Variants in PTPRT observed in about 807,000 individuals in gnomAD.
The protein encoded by PTPRT is receptor-type tyrosine-protein phosphatase T.
In PTPRT, 56 loss-of-function variants were observed where a neutral mutation model predicts 176.8. The observed-to-expected ratio is 0.32, with a 90% CI of 0.26 to 0.40. The LOEUF (loss-of-function observed/expected upper bound fraction) is 0.40. Ranked by LOEUF, PTPRT falls within the 10% of genes least tolerant of loss-of-function variation. The pLI, the probability that PTPRT is intolerant of heterozygous loss-of-function variation, is 1.00. For synonymous variants in PTPRT, 783 were observed against 739.0 expected, an observed-to-expected ratio of 1.06 and a Z score of -0.96; for missense variants, 1,540 against 1,908.2, an observed-to-expected ratio of 0.81 and a Z score of 3.60.
At chr20:42,970,710 C>T (rs1453201888) in intron 1 of PTPRT, 1 of 152,230 alleles carries the variant, frequency 6.6e-6, no homozygotes, top group Non-Finnish European at 1.5e-5. Context: ...CACATTTTAA[C>T]TTCTCTGAAA....
intron 9 of PTPRT, among the ~76,000 whole-genome samples, chr20:42,391,865 G>A (rs1479822497): frequency 1.3e-5 from 2 of 152,174 alleles, no homozygotes; most frequent in African/African-American, 4.8e-5. Context: ...CCGAGCATAA[G>A]CAAGTTAATC....
At chr20:42,512,291 A>G (rs770732678) in intron 7 of PTPRT, among the ~76,000 whole-genome samples, 4 of 152,072 alleles carry the variant, frequency 2.6e-5, no homozygotes, top group Non-Finnish European at 5.9e-5. Flanking sequence ...GTGTCCCTAA[A>G]ACTTCCCACA....
At chr20:42,572,961 CTT>C (rs76184453) in intron 7 of PTPRT, among the ~76,000 whole-genome samples, 65,287 of 139,582 alleles carry the variant, frequency 0.47, 15,062 homozygotes, top group East Asian at 0.61. Flanking sequence ...AATTGATAGC[CTT>C]TTTTTTTTTT....
At chr20:42,390,163 A>T (rs2058787373) in intron 9 of PTPRT, among the ~76,000 whole-genome samples, 1 of 152,210 alleles carries the variant, frequency 6.6e-6, no homozygotes, top group African/African-American at 2.4e-5. Flanking sequence ...GGCACATATT[A>T]GGTGAAACCC....
intron 11 of PTPRT, among the ~76,000 whole-genome samples, chr20:42,343,138 C>A (rs115699980): frequency 1.3e-5 from 2 of 152,122 alleles, no homozygotes; most frequent in Non-Finnish European, 1.5e-5. Flanking sequence ...TGTAAAAGGT[C>A]CCTTAGAAGT....
chr20:43,048,840 G>A (rs1986938364), intron 1 of PTPRT, among the ~76,000 whole-genome samples: 1 of 152,070 alleles, frequency 6.6e-6, no homozygotes, highest in Non-Finnish European at 1.5e-5. Context: ...TGGGGGGAGA[G>A]AGGTGGCTGA....
chr20:42,311,256 T>C (rs563038599), intron 12 of PTPRT, among the ~76,000 whole-genome samples: 1 of 152,324 alleles, frequency 6.6e-6, no homozygotes, highest in South Asian at 2.1e-4. Flanking sequence ...GCTTGACAGA[T>C]GTTTCCTTAA....
chr20:42,394,593 C>T (rs1466083054), intron 9 of PTPRT, among the ~76,000 whole-genome samples: 46 of 152,142 alleles, frequency 3.0e-4, no homozygotes, highest in Non-Finnish European at 3.2e-4. Flanking sequence ...AGCAATTCCG[C>T]AGCTTAGGAT....
At chr20:42,292,780 C>G (rs6072677) in intron 12 of PTPRT, among the ~76,000 whole-genome samples, 1 of 152,134 alleles carries the variant, frequency 6.6e-6, no homozygotes, top group Non-Finnish European at 1.5e-5. Flanking sequence ...GACGCAGGAC[C>G]TTGAACAATC....
intron 7 of PTPRT, among the ~76,000 whole-genome samples, chr20:42,589,348 A>G (rs569523252): frequency 6.6e-6 from 1 of 152,346 alleles, no homozygotes; most frequent in East Asian, 1.9e-4. Flanking sequence ...CATTAGCAAG[A>G]GGTACCTCTG....
At chr20:42,212,019 A>AC (rs2055645377) in intron 15 of PTPRT, among the ~76,000 whole-genome samples, 1 of 76,984 alleles carries the variant, frequency 1.3e-5, no homozygotes, top group Non-Finnish European at 3.3e-5. Flanking sequence ...AAACTGGAAA[A>AC]CATCATTCTC....
intron 13 of PTPRT, among the ~76,000 whole-genome samples, chr20:42,281,162 A>G (rs539880240): frequency 3.9e-4 from 60 of 152,116 alleles, no homozygotes; most frequent in East Asian, 3.9e-4. Context: ...TTCCTTCTAC[A>G]TTATCTGTTT....
chr20:42,401,013 G>A (rs2058901130), intron 9 of PTPRT, among the ~76,000 whole-genome samples: 1 of 151,996 alleles, frequency 6.6e-6, no homozygotes, highest in Admixed American at 6.6e-5. Flanking sequence ...TAGGTTTCTG[G>A]CTTGGGGGTG....
intron 14 of PTPRT, among the ~76,000 whole-genome samples, chr20:42,246,192 A>G (rs2056447920): frequency 6.6e-6 from 1 of 152,124 alleles, no homozygotes; most frequent in African/African-American, 2.4e-5. Flanking sequence ...CAGAAGAGGT[A>G]CACAGAATTT....
intron 1 of PTPRT, among the ~76,000 whole-genome samples, chr20:43,090,362 G>C (rs1161002630): frequency 6.6e-6 from 1 of 151,820 alleles, no homozygotes; most frequent in East Asian, 1.9e-4. Context: ...CCGCCTCCCG[G>C]GTTCATGCCA....
At chr20:42,188,734 G>T (rs186014984) in intron 16 of PTPRT, among the ~76,000 whole-genome samples, 2 of 152,228 alleles carry the variant, frequency 1.3e-5, no homozygotes, top group African/African-American at 4.8e-5. Context: ...CTTTTTAAGT[G>T]CTCTGTTATA....
intron 9 of PTPRT, among the ~76,000 whole-genome samples, chr20:42,385,746 C>T (rs985358218): frequency 3.3e-5 from 5 of 152,134 alleles, no homozygotes; most frequent in African/African-American, 1.2e-4. Flanking sequence ...AGAGCTTGTG[C>T]AGGGGGAACT....
At chr20:42,050,148 T>C in the PTPRT span, among the ~76,000 whole-genome samples, 1 of 152,232 alleles carries the variant, frequency 6.6e-6, no homozygotes, top group African/African-American at 2.4e-5. Flanking sequence ...TCCTTTTTCA[T>C]TGCTGGACTT....
At chr20:42,216,331 T>C (rs1401943993) in intron 15 of PTPRT, among the ~76,000 whole-genome samples, 1 of 152,204 alleles carries the variant, frequency 6.6e-6, no homozygotes, top group Non-Finnish European at 1.5e-5. Flanking sequence ...TTTGGCCTTG[T>C]TCACTACCAA....
Sources: allele counts gnomAD v4.1 joint callset (sites outside exome capture counted in the v4.1 genomes callset), GRCh38; gene constraint gnomAD v4.1.1; transcripts MANE v1.5; gene names NCBI Gene and HGNC (gene_info 2026-07-23, HGNC 2026-07-21).